ADAM29: variants seen among roughly 807,000 people sequenced by gnomAD.
The protein encoded by ADAM29 is disintegrin and metalloproteinase domain-containing protein 29.
For synonymous variants in ADAM29, 367 were observed against 342.3 expected (o/e 1.07, Z -0.80); for missense variants, 969 against 1,001.8 (o/e 0.97, Z 0.44).
In ADAM29 at chr4:174,975,997, C is replaced by A. The variant is rs759506746; in HGVS notation, c.472C>A (p.Gln158Lys). The change falls in exon 5 of 5, where the codon CAA becomes AAA. Residue 158 changes from glutamine to lysine, a missense_variant. Transcript: ENST00000359240. Reference sequence around the variant, plus strand: ...ATACAAGATGGACAGTGAGGAGAAACAATTTTCAACCATGAGATCCGGATT... The same window carrying A: ...ATACAAGATGGACAGTGAGGAGAAAAAATTTTCAACCATGAGATCCGGATT... ...LVYKMDSEEK[Q>K]FSTMRSGFMQ... is the part of the protein sequence containing the mutation. 1.9e-6 allele frequency: 3 copies of A among 1,613,830 alleles called. No homozygotes were observed. Among genetic ancestry groups the A allele is most frequent in the Non-Finnish European group, 1.7e-6 (2 of 1,179,974 alleles).
intron 4 of ADAM29, among the ~76,000 whole-genome samples, chr4:174,973,129 G>T (rs1026367524): frequency 2.0e-4 from 30 of 151,014 alleles, no homozygotes; most frequent in Non-Finnish European, 2.9e-4. Context: ...GTTGGGTTAT[G>T]GGGGGGCAGG....
At chr4:174,952,820 G>A (rs554220686) in intron 4 of ADAM29, among the ~76,000 whole-genome samples, 6 of 152,172 alleles carry the variant, frequency 3.9e-5, no homozygotes, top group African/African-American at 7.2e-5. Flanking sequence ...CATAGTACCC[G>A]GGGGCAAAAT....
intron 4 of ADAM29, among the ~76,000 whole-genome samples, chr4:174,968,654 T>G (rs1039850461): frequency 3.3e-5 from 5 of 152,158 alleles, no homozygotes; most frequent in Non-Finnish European, 7.3e-5. Context: ...ATCCAGTGAA[T>G]AGGGAAATAA....
At chr4:174,957,363 G>T (rs1459216447) in intron 4 of ADAM29, among the ~76,000 whole-genome samples, 1 of 151,704 alleles carries the variant, frequency 6.6e-6, no homozygotes, top group Non-Finnish European at 1.5e-5. Context: ...GGGTACCTTA[G>T]ATTTTATCTC....
Position 174,975,681 on chromosome 4 carries a change from C to T in ADAM29, c.156C>T (p.Leu52=), listed in dbSNP as rs765665984. Residue 52 remains leucine (L), a synonymous_variant, in exon 5 of 5, where the codon CTC becomes CTT. Coordinates refer to ENST00000359240, the MANE Select transcript of ADAM29 (RefSeq NM_014269.4). The part of the protein sequence containing the change: ...TTRGMTPPGW[L]SYILPFGGQK... The stretch of plus-strand genomic sequence containing the variant: ...GAGGCATGACACCTCCAGGCTGGCT[C>T]TCCTATATCCTGCCCTTTGGAGGCC... The T allele has an allele frequency of 6.2e-7, 1 of 1,612,212 alleles. No homozygotes were observed. The highest frequency in any genetic ancestry group is 1.7e-5 in the Admixed American group (1 of 59,676).
rs549299485 is a variant in ADAM29 at position 174,923,980 on chromosome 4, T to C, written c.-451+3188T>C. On this transcript the variant is annotated intron_variant, in intron 2 of 4. Transcript: ENST00000359240. The stretch of plus-strand genomic sequence containing the variant: ...CTTCTTCTCAGCTTCTCTGTCTTCA[T>C]GAATTCTTTGAGCTCAATCTTCTGT... 6 of 152,406 alleles carry C rather than the reference T, an allele frequency of 3.9e-5. No individual in the cohort carries two copies. In the East Asian group the frequency reaches 1.2e-3, roughly 29 times the overall value. The allele number at this position is 152,406 out of a possible 1,614,324, so 9.4% of individuals were successfully genotyped here. A position where few individuals can be genotyped will look rare whatever the true frequency, so the allele number is the denominator to read the frequency against.
chr4:174,929,817 C>A (rs1030046908), intron 2 of ADAM29, among the ~76,000 whole-genome samples: 4 of 151,126 alleles, frequency 2.6e-5, no homozygotes, highest in African/African-American at 9.8e-5. Flanking sequence ...AGTGCAGTGG[C>A]GCGATCTCAG....
At chr4:174,962,185 T>C (rs112238711) in intron 4 of ADAM29, among the ~76,000 whole-genome samples, 2 of 152,304 alleles carry the variant, frequency 1.3e-5, no homozygotes, top group African/African-American at 4.8e-5. Flanking sequence ...AAATTATCAA[T>C]TCATGTTTTC....
At chr4:174,962,701 A>G (rs1199355269) in intron 4 of ADAM29, among the ~76,000 whole-genome samples, 1 of 152,154 alleles carries the variant, frequency 6.6e-6, no homozygotes, top group Non-Finnish European at 1.5e-5. Context: ...ACCATCCCAC[A>G]ACGTATATGT....
intron 4 of ADAM29, among the ~76,000 whole-genome samples, chr4:174,967,209 T>C (rs925159631): frequency 2.0e-5 from 3 of 152,212 alleles, no homozygotes; most frequent in Non-Finnish European, 2.9e-5. Context: ...GGCTTCAAAC[T>C]GTTAATTTAT....
intron 4 of ADAM29, among the ~76,000 whole-genome samples, chr4:174,945,633 A>G (rs1744802503): frequency 6.6e-6 from 1 of 152,138 alleles, no homozygotes; most frequent in Non-Finnish European, 1.5e-5. Flanking sequence ...TAGGTTTTAC[A>G]TTTAAGTAAT....
chr4:174,928,206 C>T (rs923019244), intron 2 of ADAM29, among the ~76,000 whole-genome samples: 23 of 152,042 alleles, frequency 1.5e-4, no homozygotes, highest in African/African-American at 5.6e-4. Flanking sequence ...TCAGTCCTGC[C>T]GGGCTACCTC....
chr4:174,976,298 T>C lies in ADAM29; in HGVS notation c.773T>C (p.Val258Ala), dbSNP rs768915115. Residue 258 changes from valine to alanine, a missense_variant, in exon 5 of 5, where the codon GTA becomes GCA. By Grantham distance (64) the Val-to-Ala change is moderately conservative. Transcript: ENST00000359240. ...LEIWTNKNLIVVDDVRKSVHL... is the reference protein window; with the variant it reads ...LEIWTNKNLIAVDDVRKSVHL... ...ATCTGGACCAATAAAAACCTCATTG[T>C]AGTAGATGATGTAAGGAAATCTGTG... The C allele has an allele frequency of 6.2e-7, 1 of 1,612,488 alleles. No individual in the cohort carries two copies.
chr4:174,956,437 GTCCATA>G (rs1464475803), intron 4 of ADAM29, among the ~76,000 whole-genome samples: 59 of 151,410 alleles, frequency 3.9e-4, no homozygotes, highest in African/African-American at 1.1e-3. Flanking sequence ...TATGAAAAAT[GTCCATA>G]TCTATATCTT....
Position 174,969,429 on chromosome 4 carries a change from T to C in ADAM29, c.-180-5917T>C, listed in dbSNP as rs569577569. On this transcript the variant is annotated intron_variant, in intron 4 of 4. Coordinates refer to ENST00000359240, the MANE Select transcript of ADAM29 (RefSeq NM_014269.4). ...ATGTCTTCACTTAAAAAATATCTTT[T>C]TTTCTGATTATAAATTGAATTTATA... Among the ~76,000 whole-genome samples, 9 of 152,028 alleles carry C rather than the reference T, an allele frequency of 5.9e-5. No homozygotes were observed. The South Asian group carries it at 8.3e-4, about 14-fold the overall frequency.
intron 4 of ADAM29, among the ~76,000 whole-genome samples, chr4:174,957,382 C>A (rs1338045971): frequency 6.6e-6 from 1 of 151,864 alleles, no homozygotes; most frequent in Non-Finnish European, 1.5e-5. Flanking sequence ...TCTTCACCCA[C>A]TGACCTGTAC....
chr4:174,968,778 C>A (rs1383567210), intron 4 of ADAM29, among the ~76,000 whole-genome samples: 5 of 40,996 alleles, frequency 1.2e-4, no homozygotes, highest in East Asian at 1.2e-3. Flanking sequence ...CGCCCACACA[C>A]ACACACACAC....
intron 4 of ADAM29, among the ~76,000 whole-genome samples, chr4:174,944,545 T>C (rs1316922192): frequency 6.6e-6 from 1 of 152,190 alleles, no homozygotes; most frequent in African/African-American, 2.4e-5. Context: ...AACTTTTCTT[T>C]AGCTTCAGGG....
intron 4 of ADAM29, among the ~76,000 whole-genome samples, chr4:174,962,698 C>T (rs1407734851): frequency 3.3e-5 from 5 of 151,730 alleles, no homozygotes; most frequent in Non-Finnish European, 7.4e-5. Context: ...TTAACCATCC[C>T]ACAACGTATA....
Sources: gnomAD v4.1 joint callset for allele counts (sites outside exome capture counted in the v4.1 genomes callset) on GRCh38, gnomAD v4.1.1 for gene constraint, MANE v1.5 for transcripts, NCBI Gene and HGNC (gene_info 2026-07-23, HGNC 2026-07-21) for gene names.